DGKB: variants seen among roughly 807,000 people sequenced by gnomAD.
The protein encoded by DGKB is diacylglycerol kinase beta.
DGKB carries 67 observed loss-of-function variants against 114.3 expected under a neutral mutation model. The ratio of observed to expected loss-of-function variants is 0.59; its 90% CI spans 0.48 to 0.72. The LOEUF (loss-of-function observed/expected upper bound fraction) is 0.72. DGKB is among the 30% of genes least tolerant of loss of function. The pLI, the probability that DGKB is intolerant of heterozygous loss-of-function variation, is 0.00. For missense variants in DGKB, 907 were observed against 975.2 expected (o/e 0.93, Z 0.93); for synonymous variants, 398 against 323.1 (o/e 1.23, Z -2.49).
intron 23 of DGKB, among the ~76,000 whole-genome samples, chr7:14,278,959 A>G (rs2128449182): frequency 6.6e-6 from 1 of 152,284 alleles, no homozygotes; most frequent in African/African-American, 2.4e-5. Context: ...CTGCATTTCC[A>G]TCTGAGATAC....
At chr7:14,523,002 A>G (rs981905779) in intron 20 of DGKB, among the ~76,000 whole-genome samples, 1 of 152,144 alleles carries the variant, frequency 6.6e-6, no homozygotes, top group African/African-American at 2.4e-5. Context: ...ACAGTCCCAT[A>G]TTATCTATGG....
intron 23 of DGKB, among the ~76,000 whole-genome samples, chr7:14,301,673 A>C (rs1021725389): frequency 1.3e-5 from 2 of 152,174 alleles, no homozygotes; most frequent in African/African-American, 2.4e-5. Flanking sequence ...TTGTGTATAT[A>C]TACATGAATA....
intron 17 of DGKB, among the ~76,000 whole-genome samples, chr7:14,591,295 T>G (rs1424932976): frequency 6.6e-6 from 1 of 152,180 alleles, no homozygotes; most frequent in Non-Finnish European, 1.5e-5. Context: ...GTGTTCCATG[T>G]GAAGAATGAA....
At chr7:14,884,549 G>T (rs111906181) in intron 1 of DGKB, among the ~76,000 whole-genome samples, 3 of 152,010 alleles carry the variant, frequency 2.0e-5, no homozygotes, top group African/African-American at 7.2e-5. Flanking sequence ...TTCCCTGACA[G>T]CCTGACTTTT....
chr7:14,341,564 C>T (rs1811603316), intron 22 of DGKB, among the ~76,000 whole-genome samples: 1 of 151,774 alleles, frequency 6.6e-6, no homozygotes, highest in Non-Finnish European at 1.5e-5. Context: ...GAAAAAAGGT[C>T]GTTAACATAT....
chr7:14,261,246 G>GA (rs199583347), intron 23 of DGKB, among the ~76,000 whole-genome samples: 2,759 of 139,700 alleles, frequency 0.02, 83 homozygotes, highest in African/African-American at 0.067. Flanking sequence ...TCATTTCAGT[G>GA]AAAAAAAAAA....
chr7:14,541,184 G>C (rs1793382845), intron 20 of DGKB, among the ~76,000 whole-genome samples: 1 of 151,884 alleles, frequency 6.6e-6, no homozygotes, highest in Admixed American at 6.6e-5. Context: ...TTCACTAGTG[G>C]GAGCAGAGAA....
At chr7:14,563,530 T>A (rs572541310) in intron 20 of DGKB, among the ~76,000 whole-genome samples, 1 of 152,278 alleles carries the variant, frequency 6.6e-6, no homozygotes, top group Admixed American at 6.5e-5. Flanking sequence ...CTTTTAATAT[T>A]TTCTATCTTT....
At chr7:14,193,311 T>C (rs1396773464) in intron 23 of DGKB, among the ~76,000 whole-genome samples, 5 of 151,976 alleles carry the variant, frequency 3.3e-5, no homozygotes, top group African/African-American at 4.8e-5. Flanking sequence ...TACAAAGATA[T>C]AGTAACCAAA....
chr7:14,402,537 C>T (rs1414132328), intron 21 of DGKB, among the ~76,000 whole-genome samples: 3 of 151,766 alleles, frequency 2.0e-5, no homozygotes, highest in Non-Finnish European at 4.4e-5. Flanking sequence ...ATTTGCTACT[C>T]TGTTTAACCT....
rs1820339554 is a variant in DGKB, at chr7:14,386,365, G to A, written c.1836-40974C>T. 3.3e-5 allele frequency among the ~76,000 whole-genome samples: 5 copies of A among 152,236 alleles called. 1 individual carries two copies. The South Asian group carries it at 1.0e-3, about 32-fold the overall frequency. ...ATATCTCCATTTAAATTCTCAGAATGAAAATAAAAATGAGTTGTCTCACAC... is the reference window on the plus strand; with the variant it reads ...ATATCTCCATTTAAATTCTCAGAATAAAAATAAAAATGAGTTGTCTCACAC... On this transcript the variant is annotated intron_variant, in intron 21 of 25. Coordinates refer to ENST00000402815, the MANE Select transcript of DGKB (RefSeq NM_001350709.2).
intron 21 of DGKB, among the ~76,000 whole-genome samples, chr7:14,365,322 G>C (rs894568508): frequency 6.6e-6 from 1 of 152,008 alleles, no homozygotes; most frequent in Non-Finnish European, 1.5e-5. Context: ...GTCAATAAAT[G>C]TACCTATATC....
At chr7:14,875,252 C>T (rs1270217492) in intron 1 of DGKB, among the ~76,000 whole-genome samples, 1 of 151,972 alleles carries the variant, frequency 6.6e-6, no homozygotes, top group Non-Finnish European at 1.5e-5. Flanking sequence ...AGTTTCATAC[C>T]TCTATATTTA....
intron 23 of DGKB, among the ~76,000 whole-genome samples, chr7:14,313,367 T>G (rs918535986): frequency 2.6e-5 from 4 of 151,990 alleles, no homozygotes; most frequent in Non-Finnish European, 5.9e-5. Context: ...GGTACCGGGT[T>G]CATCTCACTA....
intron 12 of DGKB, among the ~76,000 whole-genome samples, chr7:14,679,291 T>A (rs1040803381): frequency 2.6e-5 from 4 of 152,066 alleles, no homozygotes; most frequent in Non-Finnish European, 4.4e-5. Context: ...TGAGGTCTTG[T>A]CCTAAACATA....
chr7:14,458,221 A>T (rs886759073), intron 21 of DGKB, among the ~76,000 whole-genome samples: 2 of 152,202 alleles, frequency 1.3e-5, no homozygotes, highest in Non-Finnish European at 2.9e-5. Flanking sequence ...TTAGATCCCC[A>T]AATTTCTTTT....
intron 20 of DGKB, among the ~76,000 whole-genome samples, chr7:14,530,800 T>C (rs529465261): frequency 8.6e-5 from 13 of 151,748 alleles, no homozygotes; most frequent in African/African-American, 3.1e-4. Context: ...TGTTCTTGTA[T>C]AGAATGTCAT....
At chr7:14,466,750 G>A (rs1336214233) in intron 21 of DGKB, among the ~76,000 whole-genome samples, 4 of 152,088 alleles carry the variant, frequency 2.6e-5, no homozygotes, top group Non-Finnish European at 4.4e-5. Flanking sequence ...CCTGGGAGGC[G>A]GAGGTTGCAG....
intron 2 of DGKB, among the ~76,000 whole-genome samples, chr7:14,781,346 A>T (rs949199893): frequency 2.0e-5 from 3 of 152,162 alleles, no homozygotes; most frequent in African/African-American, 7.2e-5. Context: ...TTGATTTTCA[A>T]TTAGAAATTA....
Sources: gnomAD v4.1 joint callset for allele counts (sites outside exome capture counted in the v4.1 genomes callset) on GRCh38, gnomAD v4.1.1 for gene constraint, MANE v1.5 for transcripts, NCBI Gene and HGNC (gene_info 2026-07-23, HGNC 2026-07-21) for gene names.